ADGRL2: variants seen among roughly 807,000 people sequenced by gnomAD.
ADGRL2 encodes adhesion G protein-coupled receptor L2, also known as calcium-independent alpha-latrotoxin receptor 2.
Under a neutral mutation model 157.4 loss-of-function variants are expected in ADGRL2, and 44 were observed. That is an observed-to-expected ratio of 0.28 (90% confidence interval 0.22 to 0.36). ADGRL2 has a LOEUF of 0.36. Among genes scored for constraint, ADGRL2 ranks in the 10% least tolerant of loss-of-function variants. ADGRL2 has a pLI of 1.00. For missense variants in ADGRL2, 1,510 were observed against 1,768.9 expected (o/e 0.85, Z 2.63); for synonymous variants, 585 against 624.7 (o/e 0.94, Z 0.95).
intron 1 of ADGRL2, among the ~76,000 whole-genome samples, chr1:81,382,345 ACTATTG>A (rs1027083765): frequency 6.6e-6 from 1 of 152,142 alleles, no homozygotes; most frequent in Non-Finnish European, 1.5e-5. Flanking sequence ...TATTGAGACT[ACTATTG>A]CTATTTGAGT....
intron 1 of ADGRL2, among the ~76,000 whole-genome samples, chr1:81,727,573 C>T (rs756276143): frequency 6.6e-6 from 1 of 152,002 alleles, no homozygotes; most frequent in Admixed American, 6.6e-5. Flanking sequence ...GCTGGGATTA[C>T]AGGCACGCGC....
chr1:81,501,811 A>AGCAG (rs57360565), intron 2 of ADGRL2: 65,222 of 1,537,716 alleles, frequency 0.042, 795 homozygotes, highest in South Asian at 0.11. Flanking sequence ...AGCAGCAGCA[A>AGCAG]CAGCAGCAGC....
intron 13 of ADGRL2, 99 bp downstream of exon 13, chr1:81,966,708 A>G: frequency 1.0e-6 from 1 of 987,194 alleles, no homozygotes; most frequent in Non-Finnish European, 1.6e-6. Context: ...AACTGGGGAG[A>G]TGGGAGGGAG....
intron 2 of ADGRL2, among the ~76,000 whole-genome samples, chr1:81,484,849 C>T (rs2078466783): frequency 6.6e-6 from 1 of 152,032 alleles, no homozygotes; most frequent in African/African-American, 2.4e-5. Context: ...ACCTCAGGTA[C>T]CCTTCCCATA....
At chr1:81,925,697 C>G (rs2095088372) in intron 3 of ADGRL2, among the ~76,000 whole-genome samples, 1 of 151,772 alleles carries the variant, frequency 6.6e-6, no homozygotes, top group African/African-American at 2.4e-5. Context: ...TATTTTATTT[C>G]TATACTTTCA....
At chr1:81,808,882 A>T (rs2089499793) in intron 1 of ADGRL2, among the ~76,000 whole-genome samples, 1 of 152,052 alleles carries the variant, frequency 6.6e-6, no homozygotes, top group African/African-American at 2.4e-5. Flanking sequence ...CCGCTACTCA[A>T]AGCCACCGGC....
intron 3 of ADGRL2, among the ~76,000 whole-genome samples, chr1:81,635,177 A>G (rs908261097): frequency 3.3e-5 from 5 of 152,166 alleles, no homozygotes; most frequent in African/African-American, 1.2e-4. Flanking sequence ...CATCCACAGC[A>G]GTAACTTACT....
At chr1:81,328,004 A>C (rs1417375644) in intron 1 of ADGRL2, among the ~76,000 whole-genome samples, 1 of 152,064 alleles carries the variant, frequency 6.6e-6, no homozygotes, top group Admixed American at 6.6e-5. Flanking sequence ...CTTTGAAACA[A>C]CCTGCAGGCC....
At chr1:81,987,081 A>G (rs1172865645) in intron 22 of ADGRL2, 52 bp downstream of exon 22, 16 of 1,581,538 alleles carry the variant, frequency 1.0e-5, no homozygotes, top group South Asian at 3.5e-5. Flanking sequence ...AAACAGAGCT[A>G]TGATCTTTGC....
chr1:81,556,081 T>C (rs141515613), intron 2 of ADGRL2, among the ~76,000 whole-genome samples: 191 of 152,184 alleles, frequency 1.3e-3, no homozygotes, highest in East Asian at 4.4e-3. Context: ...ACTGTAATAT[T>C]ACTACACTAA....
At chr1:81,490,130 C>CTT (rs59757979) in intron 2 of ADGRL2, among the ~76,000 whole-genome samples, 12 of 132,470 alleles carry the variant, frequency 9.1e-5, no homozygotes, top group Admixed American at 1.5e-4. Context: ...TTAACATATT[C>CTT]TTTTTTTTTT....
intron 2 of ADGRL2, among the ~76,000 whole-genome samples, chr1:81,446,326 T>C (rs1307794658): frequency 6.6e-6 from 1 of 151,974 alleles, no homozygotes; most frequent in Non-Finnish European, 1.5e-5. Context: ...GGAAGCAGAA[T>C]AAAAAGGAAC....
intron 1 of ADGRL2, among the ~76,000 whole-genome samples, chr1:81,822,139 C>T (rs867516034): frequency 8.2e-5 from 12 of 147,040 alleles, no homozygotes; most frequent in African/African-American, 2.3e-4. Context: ...ACTGGAGTGC[C>T]GTTGTCTGTC....
chr1:81,790,272 CAT>C (rs1180085057), intron 2 of ADGRL2, among the ~76,000 whole-genome samples: 17 of 151,702 alleles, frequency 1.1e-4, no homozygotes, highest in Non-Finnish European at 1.8e-4. Flanking sequence ...CACACACACA[CAT>C]GAACACACAC....
intron 2 of ADGRL2, among the ~76,000 whole-genome samples, chr1:81,529,369 G>C (rs1164091590): frequency 6.6e-6 from 1 of 152,212 alleles, no homozygotes; most frequent in Non-Finnish European, 1.5e-5. Flanking sequence ...AGGAGAATAG[G>C]ATAAAGTTGG....
At chr1:81,801,589 G>A (rs972844978) in intron 1 of ADGRL2, among the ~76,000 whole-genome samples, 5 of 152,216 alleles carry the variant, frequency 3.3e-5, no homozygotes, top group African/African-American at 1.2e-4. Context: ...CCCCGAGCCC[G>A]AGTCTGCGCC....
rs570390879 is a variant in ADGRL2 at position 81,438,032 on chromosome 1, G to T, written c.-301-7004G>T. 2.9e-5 allele frequency among the ~76,000 whole-genome samples: 3 copies of T among 105,084 alleles called. No individual in the cohort carries two copies. In the East Asian group the frequency reaches 6.1e-4, roughly 21 times the overall value. The allele number at this position is 105,084 out of a possible 152,430, so 68.9% of individuals were successfully genotyped here. On this transcript the variant is annotated intron_variant, in intron 1 of 24. Transcript: ENST00000370721. ...TACCCTCTCTCTTTATTTTCAGCCT[G>T]TTTGGGGAAAAAAAAAAAAAAGCTG...
chr1:81,947,955 A>G (rs1365152720), intron 6 of ADGRL2, among the ~76,000 whole-genome samples: 1 of 152,152 alleles, frequency 6.6e-6, no homozygotes, highest in Non-Finnish European at 1.5e-5. Context: ...ACAGTCGCTC[A>G]TGCCTGTAAT....
intron 1 of ADGRL2, among the ~76,000 whole-genome samples, chr1:81,743,046 C>A (rs1364915302): frequency 6.6e-6 from 1 of 151,642 alleles, no homozygotes; most frequent in Admixed American, 6.6e-5. Flanking sequence ...ACCGTTCTTG[C>A]AAAAGAGTGA....
Sources: gnomAD v4.1 joint callset for allele counts (sites outside exome capture counted in the v4.1 genomes callset) on GRCh38, gnomAD v4.1.1 for gene constraint, MANE v1.5 for transcripts, NCBI Gene and HGNC (gene_info 2026-07-23, HGNC 2026-07-21) for gene names.